Variants in DISC1 observed in about 807,000 individuals in gnomAD.
DISC1 encodes the protein disrupted in schizophrenia 1 protein.
Under a neutral mutation model 84.5 loss-of-function variants are expected in DISC1, and 57 were observed. The observed-to-expected ratio is 0.67, with a 90% CI of 0.55 to 0.84. The LOEUF is 0.84. DISC1 is among the 40% of genes least tolerant of loss of function. The pLI is 0.00. For synonymous variants in DISC1, 411 were observed against 415.2 expected (o/e 0.99, Z 0.12); for missense variants, 1,000 against 1,057.8 (o/e 0.95, Z 0.76).
intron 1 of DISC1, among the ~76,000 whole-genome samples, chr1:231,653,159 C>G (rs182427943): frequency 7.9e-5 from 12 of 152,316 alleles, no homozygotes; most frequent in African/African-American, 2.6e-4. Flanking sequence ...TAGTTGTTGA[C>G]CTTTAGAACA....
chr1:231,766,288 T>TAAAAAAA (rs61578768), intron 4 of DISC1, among the ~76,000 whole-genome samples: 11 of 106,090 alleles, frequency 1.0e-4, no homozygotes, highest in Admixed American at 2.1e-4. Context: ...AGACATTATC[T>TAAAAAAA]AAAAAAAAAA....
chr1:231,655,458 A>G (rs149750264), intron 1 of DISC1, among the ~76,000 whole-genome samples: 2 of 152,296 alleles, frequency 1.3e-5, no homozygotes, highest in Admixed American at 6.5e-5. Flanking sequence ...CTAGTATTCC[A>G]TGGTGTATAT....
At chr1:231,696,152 TG>T in intron 2 of DISC1, among the ~76,000 whole-genome samples, 1 of 152,346 alleles carries the variant, frequency 6.6e-6, no homozygotes, top group African/African-American at 2.4e-5. Context: ...GTTCCACATC[TG>T]GCTGGCCTCC....
At chr1:231,971,070 C>A (rs948282364) in intron 10 of DISC1, among the ~76,000 whole-genome samples, 1 of 152,178 alleles carries the variant, frequency 6.6e-6, no homozygotes, top group Non-Finnish European at 1.5e-5. Context: ...GCACCTGTTA[C>A]AGTTTTAAAA....
In DISC1 at chr1:231,887,700, A is replaced by T. The variant is rs565989134; in HGVS notation, c.1981+69183A>T. Among the ~76,000 whole-genome samples the T allele has an allele frequency of 1.8e-4, 28 of 152,316 alleles. 1 individual carries two copies. In the South Asian group the frequency reaches 5.6e-3, roughly 30 times the overall value. The stretch of plus-strand genomic sequence containing the variant: ...AACATGGGATTATTTGTAAGTTATC[A>T]CTCCAGAAATGAACGTAACTGAATT... On this transcript the variant is annotated intron_variant, in intron 9 of 12. Coordinates refer to ENST00000439617, the MANE Select transcript of DISC1 (RefSeq NM_018662.3).
chr1:231,844,419 C>T (rs1394438291), intron 9 of DISC1, among the ~76,000 whole-genome samples: 1 of 152,128 alleles, frequency 6.6e-6, no homozygotes, highest in Admixed American at 6.6e-5. Context: ...CCAGGTGCGC[C>T]ACCTCCCAGC....
In DISC1 at chr1:231,873,969, C is replaced by G. The variant is rs146833483; in HGVS notation, c.1981+55452C>G. Among the ~76,000 whole-genome samples the G allele has an allele frequency of 4.8e-3, 731 of 152,108 alleles. 6 individuals carry two copies. The highest frequency in any genetic ancestry group is 0.017 in the African/African-American group (694 of 41,484). ...GTTCAAGCAACTCTCCTGCCTCGGC[C>G]TCTGAGTAGCTGGGACTACAGGCAT... is the stretch of plus-strand genomic sequence containing the variant. On this transcript the variant is annotated intron_variant, in intron 9 of 12. Transcript: ENST00000439617.
At chr1:231,669,140 AG>A (rs996609175) in intron 1 of DISC1, among the ~76,000 whole-genome samples, 6 of 152,210 alleles carry the variant, frequency 3.9e-5, no homozygotes, top group African/African-American at 1.4e-4. Flanking sequence ...CAGGGAGCAA[AG>A]GAGAGTTAAT....
chr1:231,752,613 C>A (rs1199449418), intron 4 of DISC1, among the ~76,000 whole-genome samples: 1 of 152,128 alleles, frequency 6.6e-6, no homozygotes, highest in African/African-American at 2.4e-5. Flanking sequence ...CACCCATGTT[C>A]TCCCCAAATC....
At chr1:231,775,247 G>A (rs1408895338) in intron 6 of DISC1, among the ~76,000 whole-genome samples, 5 of 152,130 alleles carry the variant, frequency 3.3e-5, no homozygotes, top group Non-Finnish European at 7.4e-5. Context: ...GCTTTGTTTC[G>A]TGGACAACGA....
chr1:231,799,304 A>G (rs2079001327), intron 7 of DISC1, among the ~76,000 whole-genome samples: 1 of 152,062 alleles, frequency 6.6e-6, no homozygotes, highest in African/African-American at 2.4e-5. Flanking sequence ...GTTTCCCTAA[A>G]CAGTGTCTAT....
chr1:231,958,031 C>G (rs1659823225), intron 9 of DISC1, among the ~76,000 whole-genome samples: 1 of 152,152 alleles, frequency 6.6e-6, no homozygotes, highest in African/African-American at 2.4e-5. Flanking sequence ...TAGTAATAGA[C>G]ATGGCAGCAC....
At chr1:231,668,876 C>T (rs2062285852) in intron 1 of DISC1, among the ~76,000 whole-genome samples, 1 of 152,198 alleles carries the variant, frequency 6.6e-6, no homozygotes, top group Non-Finnish European at 1.5e-5. Flanking sequence ...TGACAGACAA[C>T]ACACAATTTG....
At chr1:231,638,551 T>A (rs184730896) in intron 1 of DISC1, among the ~76,000 whole-genome samples, 1 of 152,342 alleles carries the variant, frequency 6.6e-6, no homozygotes, top group Non-Finnish European at 1.5e-5. Context: ...AGTTTCATTC[T>A]TCTGCATATG....
In DISC1 at chr1:231,826,354, C is replaced by CA. The variant is rs757266435; in HGVS notation, c.1981+7838dup. Among the ~76,000 whole-genome samples, 154 of 152,246 alleles carry CA rather than the reference C, an allele frequency of 1.0e-3. No homozygotes were observed. Among genetic ancestry groups the CA allele is most frequent in the Admixed American group, 2.7e-3 (41 of 15,310 alleles). On this transcript the variant is annotated intron_variant, in intron 9 of 12. Coordinates refer to ENST00000439617, the MANE Select transcript of DISC1 (RefSeq NM_018662.3). The surrounding 1 kb of genome is among the most constrained non-coding windows in gnomAD (Gnocchi z 4.2). The stretch of plus-strand genomic sequence containing the variant: ...ACCTCATCACCCTACCTAAATACCA[C>CA]ACTCATAGATTCATAATTACAAAAC...
chr1:231,903,837 T>G (rs775599885), intron 9 of DISC1, among the ~76,000 whole-genome samples: 13 of 152,226 alleles, frequency 8.5e-5, no homozygotes, highest in Non-Finnish European at 1.6e-4. Context: ...ACTTGGTGAT[T>G]AAGATGGGAA....
At chr1:231,638,843 C>G (rs2059397850) in intron 1 of DISC1, among the ~76,000 whole-genome samples, 1 of 152,132 alleles carries the variant, frequency 6.6e-6, no homozygotes. Flanking sequence ...AACTATTAAT[C>G]ATCACAGAGC....
At chr1:231,638,691 C>A (rs2059385530) in intron 1 of DISC1, among the ~76,000 whole-genome samples, 1 of 152,082 alleles carries the variant, frequency 6.6e-6, no homozygotes, top group South Asian at 2.1e-4. Flanking sequence ...TATTCTGTTT[C>A]ATTGATCTAT....
chr1:231,845,614 G>T (rs201119716), intron 9 of DISC1, among the ~76,000 whole-genome samples: 3 of 152,174 alleles, frequency 2.0e-5, no homozygotes, highest in Non-Finnish European at 4.4e-5. Flanking sequence ...CAGCGAGCAC[G>T]CCAGGCTGGG....
Sources: allele counts gnomAD v4.1 joint callset (sites outside exome capture counted in the v4.1 genomes callset), GRCh38; gene constraint gnomAD v4.1.1; non-coding constraint Gnocchi (gnomAD v3.1); transcripts MANE v1.5; gene names NCBI Gene and HGNC (gene_info 2026-07-23, HGNC 2026-07-21).